Variants in ETAA1 observed in about 807,000 individuals in gnomAD.
The protein encoded by ETAA1 is ETAA1 activator of ATR kinase, also known as ewing's tumor-associated antigen 1.
In ETAA1, 49 loss-of-function variants were observed where a neutral mutation model predicts 76.8. The observed-to-expected ratio is 0.64, with a 90% confidence interval of 0.51 to 0.81. The LOEUF is 0.81. Among genes scored for constraint, ETAA1 ranks in the 30% least tolerant of loss-of-function variants. ETAA1 has a pLI of 0.00. For synonymous variants in ETAA1, 373 were observed against 372.2 expected, an observed-to-expected ratio of 1.00 and a Z score of -0.03; for missense variants, 1,099 against 1,074.0, an observed-to-expected ratio of 1.02 and a Z score of -0.32.
Position 67,404,781 on chromosome 2 carries a change from T to G in ETAA1, c.2099T>G (p.Ile700Ser), listed in dbSNP as rs201331296. 5.0e-6 allele frequency: 8 copies of G among 1,613,442 alleles called. No individual in the cohort carries two copies. The highest frequency in any genetic ancestry group is 6.8e-6 in the Non-Finnish European group (8 of 1,179,576). Residue 700 changes from isoleucine (I) to serine (S), a missense_variant, in exon 5 of 6, where the codon ATT becomes AGT. This residue lies in a region of ETAA1 where 302 missense variants were observed against 278.1 expected (regional missense o/e 1.09). Transcript: ENST00000272342. ...TCAAAGCATTTGAATCCAGGCAGCA[T>G]TTCAGTGCAGACATCTTTGACAAAT... is the stretch of plus-strand genomic sequence containing the variant. Reference protein sequence around the residue: ...VQSKHLNPGSISVQTSLTNSS... With the variant: ...VQSKHLNPGSSSVQTSLTNSS...
Position 67,399,314 on chromosome 2 carries a change from AT to A in ETAA1, c.352+23del. ...AGCAGTTAGGTAATTAATTATTAAC[AT>A]TTTTTATGTGAGTAAATATTTGATA... is the stretch of plus-strand genomic sequence containing the variant. On this transcript the variant is annotated intron_variant, in intron 2 of 5. Coordinates refer to ENST00000272342, the MANE Select transcript of ETAA1 (RefSeq NM_019002.4). 3.8e-6 allele frequency: 6 copies of A among 1,589,060 alleles called. No homozygotes were observed. Among genetic ancestry groups the A allele is most frequent in the African/African-American group, 1.4e-5 (1 of 74,022 alleles).
chr2:67,404,597 A>T lies in ETAA1; in HGVS notation c.1915A>T (p.Ile639Phe). Reference sequence around the variant, plus strand: ...TAAGACATCAGAAAGTATATGTGAGATCAATAATAATTCCGAACATGGAGC... The same window carrying T: ...TAAGACATCAGAAAGTATATGTGAGTTCAATAATAATTCCGAACATGGAGC... ...DSKTSESICE[I>F]NNNSEHGAKL... Residue 639 changes from isoleucine (I) to phenylalanine (F), a missense_variant, in exon 5 of 6, where the codon ATC (isoleucine) becomes TTC (phenylalanine). Physicochemically the swap from Ile to Phe is conservative, Grantham distance 21 (BLOSUM62 0). Transcript: ENST00000272342. 6.2e-7 allele frequency: 1 copy of T among 1,613,462 alleles called. No individual in the cohort carries two copies. Among genetic ancestry groups the T allele is most frequent in the South Asian group, 1.1e-5 (1 of 91,066 alleles).
Position 67,410,085 on chromosome 2 carries a change from G to GTGA in ETAA1, c.*49_*51dup, listed in dbSNP as rs747258536. The GTGA allele has an allele frequency of 5.9e-5, 91 of 1,540,562 alleles. 1 individual carries two copies. The Admixed American group carries it at 9.1e-4, about 15-fold the overall frequency. On this transcript the variant is annotated 3_prime_UTR_variant, in exon 6 of 6. Transcript: ENST00000272342. ...TCACGAAGACTGCTGATAACTATCT[G>GTGA]TGATTGATAGGAAATTTTTTTTCTT...
intron 1 of ETAA1, among the ~76,000 whole-genome samples, chr2:67,398,394 A>C (rs1018382944): frequency 2.1e-5 from 3 of 145,508 alleles, no homozygotes; most frequent in Non-Finnish European, 3.0e-5. Context: ...GCAGTGCAGT[A>C]GCACAATCTC....
Position 67,403,620 on chromosome 2 carries a change from T to G in ETAA1, c.938T>G (p.Phe313Cys), listed in dbSNP as rs775209409. 1 of 1,613,342 alleles carries G rather than the reference T, an allele frequency of 6.2e-7. No homozygotes were observed. Among genetic ancestry groups the G allele is most frequent in the South Asian group, 1.1e-5 (1 of 91,062 alleles). Residue 313 changes from phenylalanine (F) to cysteine (C), a missense_variant, in exon 5 of 6, where the codon TTT becomes TGT. By Grantham distance (205) the Phe-to-Cys change is radical. Transcript: ENST00000272342. ...TTTTGGAGCACCAGTAATACTACCTTTGTAAAGACAAATGCTTTGAAAGAG... is the reference window on the plus strand; with the variant it reads ...TTTTGGAGCACCAGTAATACTACCTGTGTAAAGACAAATGCTTTGAAAGAG... Reference protein sequence around the residue: ...EAFWSTSNTTFVKTNALKEEK... With the variant: ...EAFWSTSNTTCVKTNALKEEK...
chr2:67,399,053 A>G (rs1408392738), intron 1 of ETAA1, 116 bp from the exon 2 acceptor site: 1 of 937,536 alleles, frequency 1.1e-6, no homozygotes. Flanking sequence ...TATCTCTGGG[A>G]AAAAAAATTA....
chr2:67,408,974 G>C (rs935465378), intron 5 of ETAA1, among the ~76,000 whole-genome samples: 9 of 151,856 alleles, frequency 5.9e-5, no homozygotes, highest in African/African-American at 2.2e-4. Flanking sequence ...CAGTCTGTTA[G>C]GTAAATAGCT....
chr2:67,403,017 A>G (rs755956874), intron 4 of ETAA1, 43 bp downstream of exon 4: 1 of 1,513,092 alleles, frequency 6.6e-7, no homozygotes, highest in South Asian at 1.2e-5. Context: ...CAGTGAAGCA[A>G]ATATTTTTTG....
At position 67,404,006 on chromosome 2, in the gene ETAA1, A is replaced by G. The variant is rs1457789034; in HGVS notation, c.1324A>G (p.Lys442Glu). 6.2e-7 allele frequency: 1 copy of G among 1,607,764 alleles called. No individual in the cohort carries two copies. Among genetic ancestry groups the G allele is most frequent in the Admixed American group, 1.7e-5 (1 of 58,438 alleles). The change falls in exon 5 of 6, where the codon AAA (lysine) becomes GAA (glutamate). Residue 442 changes from lysine to glutamate, a missense_variant. Physicochemically the swap from Lys to Glu is moderately conservative, Grantham distance 56 (BLOSUM62 1). Transcript: ENST00000272342. ...TSPDARLGDSKVLQDLSSKTY... is the reference protein window; with the variant it reads ...TSPDARLGDSEVLQDLSSKTY... ...TCCAGATGCCAGGTTAGGAGATTCA[A>G]AAGTATTACAAGATCTTTCTTCAAA...
chr2:67,397,641 G>A lies in ETAA1; in HGVS notation c.193G>A (p.Ala65Thr), dbSNP rs1307000356. The A allele has an allele frequency of 1.3e-6, 2 of 1,546,794 alleles. No individual in the cohort carries two copies. The highest frequency in any genetic ancestry group is 1.4e-5 in the African/African-American group (1 of 72,958). ...PVRQREQPPT[A>T]ALCSKSNPEE... is the part of the protein sequence containing the mutation. The stretch of plus-strand genomic sequence containing the variant: ...GCGGCAGCGAGAGCAGCCTCCGACC[G>A]CCGCCCTGTGCAGTAAAAGTAACCC... The change falls in exon 1 of 6, where the codon GCC becomes ACC. Residue 65 changes from alanine to threonine, a missense_variant. Coordinates refer to ENST00000272342, the MANE Select transcript of ETAA1 (RefSeq NM_019002.4).
chr2:67,401,277 G>A (rs373949420), intron 3 of ETAA1: 33 of 152,116 alleles, frequency 2.2e-4, no homozygotes, highest in African/African-American at 7.9e-4. Flanking sequence ...TTGAAAGCTT[G>A]TCATGTTCTC....
chr2:67,402,727 G>A (rs944828142), intron 3 of ETAA1, 135 bp from the exon 4 acceptor site: 1 of 447,966 alleles, frequency 2.2e-6, no homozygotes, highest in Non-Finnish European at 3.7e-6. Flanking sequence ...TTTGGTAAGT[G>A]TTACCTCACC....
At chr2:67,402,447 A>C (rs1267497708) in intron 3 of ETAA1, 3 of 151,922 alleles carry the variant, frequency 2.0e-5, no homozygotes, top group Non-Finnish European at 4.4e-5. Flanking sequence ...AGAATTCCAT[A>C]TGTATCTCCT....
intron 3 of ETAA1, chr2:67,400,544 C>T (rs1256979803): frequency 2.0e-5 from 3 of 152,010 alleles, no homozygotes; most frequent in Non-Finnish European, 4.4e-5. Flanking sequence ...ACAAAGCAAT[C>T]CAGTAACTCT....
At position 67,403,476 on chromosome 2, in the gene ETAA1, A is replaced by G. The variant is rs1258955315; in HGVS notation, c.794A>G (p.Asn265Ser). The G allele has an allele frequency of 3.1e-6, 5 of 1,613,328 alleles. No homozygotes were observed. The highest frequency in any genetic ancestry group is 4.2e-6 in the Non-Finnish European group (5 of 1,179,472). The change falls in exon 5 of 6, where the codon AAT (asparagine) becomes AGT (serine). Residue 265 changes from asparagine to serine, a missense_variant. Transcript: ENST00000272342. ...GGAAACACCAAGATATCTGTGGCAA[A>G]TAATCAAAATAGCAGTCAGAAGCCA... ...IKGNTKISVA[N>S]NQNSSQKPFD...
intron 2 of ETAA1, 79 bp from the exon 3 acceptor site, chr2:67,399,467 ATTAC>A: frequency 8.2e-7 from 1 of 1,221,334 alleles, no homozygotes; most frequent in Non-Finnish European, 1.2e-6. Flanking sequence ...ACTAAATAAA[ATTAC>A]TTTCTAAGAA....
chr2:67,404,811 C>A lies in ETAA1; in HGVS notation c.2129C>A (p.Ser710Ter), dbSNP rs1193604079. The A allele has an allele frequency of 6.2e-7, 1 of 1,613,256 alleles. No individual in the cohort carries two copies. Among genetic ancestry groups the A allele is most frequent in the South Asian group, 1.1e-5 (1 of 91,056 alleles). The change falls in exon 5 of 6, where the codon TCA becomes TAA. Residue 710 changes from serine (S) to a stop codon, truncating the protein, a stop_gained. Transcript: ENST00000272342. LOFTEE classifies it high-confidence loss of function. ...GTGCAGACATCTTTGACAAATAGCT[C>A]ACAAATAGATAAGCCAATGAAGATG... is the stretch of plus-strand genomic sequence containing the variant. Reference protein sequence around the residue: ...ISVQTSLTNSSQIDKPMKMEK... With the variant: ...ISVQTSLTNS
In ETAA1 at chr2:67,405,298, G is replaced by C; in HGVS notation, c.2616G>C (p.Leu872Phe). The C allele has an allele frequency of 6.4e-7, 1 of 1,552,968 alleles. No individual in the cohort carries two copies. Among genetic ancestry groups the C allele is most frequent in the Non-Finnish European group, 8.7e-7 (1 of 1,153,332 alleles). Residue 872 changes from leucine (L) to phenylalanine (F), a missense_variant, in exon 5 of 6, where the codon TTG becomes TTC. By Grantham distance (22) the Leu-to-Phe change is conservative. Coordinates refer to ENST00000272342, the MANE Select transcript of ETAA1 (RefSeq NM_019002.4). Reference sequence around the variant, plus strand: ...AGGAAGCTGTTGGACAGCAATCTTTGGTGAAACTTTCTGAATCTTTGAAAC... The same window carrying C: ...AGGAAGCTGTTGGACAGCAATCTTTCGTGAAACTTTCTGAATCTTTGAAAC... ...LLEEAVGQQS[L>F]VKLSESLKQS...
At position 67,410,736 on chromosome 2, in the gene ETAA1, A is replaced by C. The variant is rs1676350542; in HGVS notation, c.*698A>C. On this transcript the variant is annotated 3_prime_UTR_variant, in exon 6 of 6. Transcript: ENST00000272342. ...AGAACTGGCAGAAACTTCATATGTCATCTGGTCCAGCTTCCTTATTGTATC... is the reference window on the plus strand; with the variant it reads ...AGAACTGGCAGAAACTTCATATGTCCTCTGGTCCAGCTTCCTTATTGTATC... 6.6e-6 allele frequency: 1 copy of C among 152,104 alleles called. No homozygotes were observed. The highest frequency in any genetic ancestry group is 6.6e-5 in the Admixed American group (1 of 15,248). 9.4% of individuals were successfully genotyped at this position (152,104 alleles called of 1,614,324 possible). A position where few individuals can be genotyped will look rare whatever the true frequency, so the allele number is the denominator to read the frequency against.
Sources: gnomAD v4.1 joint callset for allele counts (sites outside exome capture counted in the v4.1 genomes callset) on GRCh38, gnomAD v4.1.1 for gene constraint, gnomAD v4.1.1 regional missense constraint, MANE v1.5 for transcripts, NCBI Gene and HGNC (gene_info 2026-07-23, HGNC 2026-07-21) for gene names.